The following RBL1 variants were observed in gnomAD, a reference collection of about 807,000 sequenced individuals.
RBL1 encodes the protein RB transcriptional corepressor like 1, also known as retinoblastoma-like protein 1.
Under a neutral mutation model 123.0 loss-of-function variants are expected in RBL1, and 82 were observed. That is an observed-to-expected ratio of 0.67 (90% confidence interval 0.56 to 0.80). The LOEUF is 0.80. Among genes scored for constraint, RBL1 ranks in the 30% least tolerant of loss-of-function variants. RBL1 has a pLI of 0.00. For missense variants in RBL1, 1,171 were observed against 1,299.6 expected, an observed-to-expected ratio of 0.90 and a Z score of 1.52; for synonymous variants, 405 against 441.3, an observed-to-expected ratio of 0.92 and a Z score of 1.03.
chr20:37,019,964 G>C (rs989900668), intron 18 of RBL1, among the ~76,000 whole-genome samples: 5 of 152,010 alleles, frequency 3.3e-5, no homozygotes, highest in African/African-American at 1.2e-4. Context: ...GCAAACATTA[G>C]GATGCTTAGC....
chr20:37,083,770 C>T (rs1041907134), intron 2 of RBL1, among the ~76,000 whole-genome samples: 2 of 151,318 alleles, frequency 1.3e-5, no homozygotes, highest in African/African-American at 2.4e-5. Flanking sequence ...GTGCATTGCA[C>T]TCCAGCCTGG....
chr20:37,074,252 T>A (rs2065327708), intron 2 of RBL1, among the ~76,000 whole-genome samples: 1 of 151,636 alleles, frequency 6.6e-6, no homozygotes, highest in Non-Finnish European at 1.5e-5. Flanking sequence ...TGTCTCTATA[T>A]AAAGTTTAAA....
Position 37,003,821 on chromosome 20 carries a change from G to T in RBL1, c.2917C>A (p.Pro973Thr). 1 of 1,613,872 alleles carries T rather than the reference G, an allele frequency of 6.2e-7. No homozygotes were observed. Among genetic ancestry groups the T allele is most frequent in the South Asian group, 1.1e-5 (1 of 91,052 alleles). Residue 973 changes from proline to threonine, a missense_variant, in exon 21 of 22, where the codon CCA (proline) becomes ACA (threonine). Coordinates refer to ENST00000373664, the MANE Select transcript of RBL1 (RefSeq NM_002895.5). The part of the protein sequence containing the change: ...LSPFPHIKQQ[P>T]GSPRRISQQH... ...TGGGAAATGCGGCGTGGTGAGCCTG[G>T]CTGTTGTTTAATATGTGGAAAAGGA...
rs1381435844 is a variant in RBL1 at position 37,044,267 on chromosome 20, G to C, written c.1606-17C>G. The stretch of plus-strand genomic sequence containing the variant: ...CTCAATAACCTGCAGAGGAGAAAGT[G>C]AGAAGGCAATGTGGTTTCAAGCAGT... On this transcript the variant is annotated splice_polypyrimidine_tract_variant and intron_variant, in intron 12 of 21. Transcript: ENST00000373664. 18 of 1,612,930 alleles carry C rather than the reference G, an allele frequency of 1.1e-5. No individual in the cohort carries two copies. Among genetic ancestry groups the C allele is most frequent in the Non-Finnish European group, 1.4e-5 (17 of 1,179,540 alleles).
intron 19 of RBL1, among the ~76,000 whole-genome samples, chr20:37,014,680 C>G (rs1381258380): frequency 6.6e-6 from 1 of 151,836 alleles, no homozygotes; most frequent in African/African-American, 2.4e-5. Flanking sequence ...TCGAGAATCA[C>G]TCGGGCCTGG....
At chr20:37,028,144 C>G (rs946684994) in intron 16 of RBL1, among the ~76,000 whole-genome samples, 3 of 152,156 alleles carry the variant, frequency 2.0e-5, no homozygotes, top group African/African-American at 7.2e-5. Flanking sequence ...GTGGGCAGAT[C>G]ACCTGAGGTC....
intron 2 of RBL1, among the ~76,000 whole-genome samples, chr20:37,073,030 C>T (rs140933269): frequency 1.2e-4 from 19 of 152,262 alleles, no homozygotes; most frequent in African/African-American, 3.1e-4. Context: ...TGGCTCACTG[C>T]GGGCTTGACT....
chr20:37,048,009 C>T (rs557424859), intron 11 of RBL1, among the ~76,000 whole-genome samples: 2 of 151,592 alleles, frequency 1.3e-5, no homozygotes, highest in South Asian at 4.2e-4. Flanking sequence ...AACAAACAAA[C>T]AAAAAACAAG....
intron 11 of RBL1, among the ~76,000 whole-genome samples, chr20:37,053,717 T>C (rs868698588): frequency 2.6e-5 from 4 of 152,292 alleles, no homozygotes; most frequent in South Asian, 2.1e-4. Context: ...ATTGGTTTCA[T>C]TGTATGTTGT....
In RBL1 at chr20:36,997,313, C is replaced by T. The variant is rs1306414559; in HGVS notation, c.*1446G>A. 3.9e-5 allele frequency: 6 copies of T among 151,938 alleles called. No individual in the cohort carries two copies. Among genetic ancestry groups the T allele is most frequent in the African/African-American group, 1.5e-4 (6 of 41,338 alleles). 9.4% of individuals were successfully genotyped at this position (151,938 alleles called of 1,614,324 possible). A position where few individuals can be genotyped will look rare whatever the true frequency, so the allele number is the denominator to read the frequency against. On this transcript the variant is annotated 3_prime_UTR_variant, in exon 22 of 22. Coordinates refer to ENST00000373664, the MANE Select transcript of RBL1 (RefSeq NM_002895.5). ...ACTGAAAAACATCTTCAGGAGTACT[C>T]AGTACTCCCTAGTACATCCCTAGTA...
chr20:37,064,294 C>A (rs1241490825), intron 7 of RBL1, among the ~76,000 whole-genome samples: 2 of 151,970 alleles, frequency 1.3e-5, no homozygotes, highest in Non-Finnish European at 2.9e-5. Context: ...TGTGCCACCA[C>A]ACCGAGCTAA....
Position 37,056,215 on chromosome 20 carries a change from T to C in RBL1, c.1294A>G (p.Lys432Glu), listed in dbSNP as rs940678900. 1 of 1,611,102 alleles carries C rather than the reference T, an allele frequency of 6.2e-7. No homozygotes were observed. The highest frequency in any genetic ancestry group is 8.5e-7 in the Non-Finnish European group (1 of 1,179,766). ...TGACAGAAAGTCTCTCCTATTCCTT[T>C]TAGTATTTTCATAATGTTTTCCACA... is the stretch of plus-strand genomic sequence containing the variant. ...NPVENIMKILKGIGETFCQHY... is the reference protein window; with the variant it reads ...NPVENIMKILEGIGETFCQHY... Residue 432 changes from lysine (K) to glutamate (E), a missense_variant, in exon 10 of 22, where the codon AAA becomes GAA. Transcript: ENST00000373664.
chr20:37,060,130 C>A (rs569492895), intron 9 of RBL1, among the ~76,000 whole-genome samples: 4 of 152,054 alleles, frequency 2.6e-5, no homozygotes, highest in African/African-American at 9.6e-5. Context: ...CGAGATCATG[C>A]CATTGCACTC....
chr20:37,047,523 T>C (rs2146271773), intron 11 of RBL1, among the ~76,000 whole-genome samples: 1 of 152,310 alleles, frequency 6.6e-6, no homozygotes, highest in African/African-American at 2.4e-5. Context: ...TAAGGGTTTA[T>C]TTATCAAAAC....
chr20:37,077,035 CA>C (rs2065375327), intron 2 of RBL1, among the ~76,000 whole-genome samples: 1 of 150,624 alleles, frequency 6.6e-6, no homozygotes, highest in African/African-American at 2.4e-5. Context: ...CTTCCGGGTT[CA>C]AGCAATTTTC....
At chr20:37,090,241 G>A (rs1236159970) in intron 1 of RBL1, among the ~76,000 whole-genome samples, 1 of 152,178 alleles carries the variant, frequency 6.6e-6, no homozygotes, top group Non-Finnish European at 1.5e-5. Flanking sequence ...AACAGCCTAG[G>A]TGTATAGTAG....
intron 21 of RBL1, among the ~76,000 whole-genome samples, chr20:37,000,379 C>T (rs987809385): frequency 7.5e-5 from 9 of 120,094 alleles, no homozygotes; most frequent in Non-Finnish European, 1.7e-4. Flanking sequence ...GGGGGGTTAG[C>T]CCCCCGCCCG....
At chr20:37,011,944 T>A (rs962897370) in intron 19 of RBL1, among the ~76,000 whole-genome samples, 2 of 152,250 alleles carry the variant, frequency 1.3e-5, no homozygotes, top group Non-Finnish European at 2.9e-5. Context: ...TGGACTGTAC[T>A]GCTGCCATCT....
At chr20:37,041,757 T>C (rs1432201583) in intron 13 of RBL1, among the ~76,000 whole-genome samples, 1 of 152,050 alleles carries the variant, frequency 6.6e-6, no homozygotes, top group Non-Finnish European at 1.5e-5. Flanking sequence ...AGAAAAAATA[T>C]CTGAATTGGA....
Sources: allele counts gnomAD v4.1 joint callset (sites outside exome capture counted in the v4.1 genomes callset), GRCh38; gene constraint gnomAD v4.1.1; transcripts MANE v1.5; gene names NCBI Gene and HGNC (gene_info 2026-07-23, HGNC 2026-07-21).